ZC3H14: variants seen among roughly 807,000 people sequenced by gnomAD.
ZC3H14 encodes the protein zinc finger CCCH-type containing 14.
A neutral mutation model predicts 92.4 loss-of-function variants in ZC3H14; 31 were observed. That is an observed-to-expected ratio of 0.34 (90% CI 0.25 to 0.45). The LOEUF is 0.45. Ranked by LOEUF, ZC3H14 falls within the 20% of genes least tolerant of loss-of-function variation. ZC3H14 has a pLI of 1.00. For missense variants in ZC3H14, 781 were observed against 897.3 expected (o/e 0.87, Z 1.66); for synonymous variants, 321 against 300.9 (o/e 1.07, Z -0.69).
chr14:88,624,986 C>A lies in ZC3H14; in HGVS notation c.*13235C>A. On this transcript the variant is annotated 3_prime_UTR_variant, in exon 17 of 17. Transcript: ENST00000251038. ...AGGACTCACGGCCTTTCCTTTCCCC[C>A]AGTCACGATAAGTCCATCTCGCAGG... 6.2e-7 allele frequency: 1 copy of A among 1,613,434 alleles called. No individual in the cohort carries two copies. Among genetic ancestry groups the A allele is most frequent in the Non-Finnish European group, 8.5e-7 (1 of 1,179,604 alleles).
intron 9 of ZC3H14, among the ~76,000 whole-genome samples, chr14:88,587,624 A>G (rs1286720054): frequency 6.6e-6 from 1 of 152,168 alleles, no homozygotes; most frequent in Non-Finnish European, 1.5e-5. Context: ...CTCTAAGTTG[A>G]GAAACAGTAA....
chr14:88,571,190 G>A, intron 4 of ZC3H14, 66 bp downstream of exon 4: 1 of 1,398,970 alleles, frequency 7.1e-7, no homozygotes, highest in South Asian at 1.4e-5. Flanking sequence ...TCTTTCTAAA[G>A]TCATAGTGCT....
chr14:88,623,659 A>C lies in ZC3H14; in HGVS notation c.*11908A>C, dbSNP rs1271755132. The C allele has an allele frequency of 6.6e-6, 1 of 150,812 alleles. No individual in the cohort carries two copies. The highest frequency in any genetic ancestry group is 1.5e-5 in the Non-Finnish European group (1 of 67,662). The allele number at this position is 150,812 out of a possible 1,614,324, so 9.3% of individuals were successfully genotyped here. On this transcript the variant is annotated 3_prime_UTR_variant, in exon 17 of 17. Transcript: ENST00000251038. ...AAACTCCTGACCTCGTGATCCGCCCACCTCGGCCTCCCAAAGTGTTGGGAT... is the reference window on the plus strand; with the variant it reads ...AAACTCCTGACCTCGTGATCCGCCCCCCTCGGCCTCCCAAAGTGTTGGGAT...
intron 2 of ZC3H14, among the ~76,000 whole-genome samples, chr14:88,564,061 C>T (rs2079246532): frequency 6.6e-6 from 1 of 152,094 alleles, no homozygotes; most frequent in Admixed American, 6.5e-5. Context: ...CCTTAGCCTC[C>T]CTAGGTGCTG....
intron 1 of ZC3H14, 138 bp downstream of exon 1, chr14:88,563,307 C>T (rs912774984): frequency 1.3e-6 from 2 of 1,523,726 alleles, no homozygotes; most frequent in African/African-American, 2.8e-5. Flanking sequence ...GCGGCTCCTC[C>T]TCGTCCAGGC....
In ZC3H14 at chr14:88,611,900, T is replaced by TAA. The variant is rs1444819613; in HGVS notation, c.*150_*151dup. On this transcript the variant is annotated 3_prime_UTR_variant, in exon 17 of 17. Transcript: ENST00000251038. ...TTATTGCCTATCTATCTGAAGTGTC[T>TAA]AATTTTTCAAGTTTGTAAGTTTATT... 9.2e-7 allele frequency: 1 copy of TAA among 1,091,690 alleles called. No homozygotes were observed. The highest frequency in any genetic ancestry group is 1.3e-6 in the Non-Finnish European group (1 of 760,036). The allele number at this position is 1,091,690 out of a possible 1,614,324, so 67.6% of individuals were successfully genotyped here.
At chr14:88,591,705 C>T (rs2083159021) in intron 9 of ZC3H14, 3 of 152,162 alleles carry the variant, frequency 2.0e-5, no homozygotes, top group East Asian at 3.9e-4. Context: ...GTCTTCTAGG[C>T]ATTTCTTATA....
chr14:88,588,913 C>G (rs1313191352), intron 9 of ZC3H14, among the ~76,000 whole-genome samples: 1 of 152,062 alleles, frequency 6.6e-6, no homozygotes, highest in East Asian at 1.9e-4. Context: ...TTTCCACAAA[C>G]TTTTTCTTGT....
chr14:88,607,447 GGCAAGTACCATCCCATCTCACCCA>G (rs1250401855), intron 13 of ZC3H14, 84 bp downstream of exon 13: 25 of 1,367,600 alleles, frequency 1.8e-5, no homozygotes, highest in Admixed American at 4.3e-5. Context: ...CATCTCACCT[GGCAAGTACCATCCCATCTCACCCA>G]GCAAGTACCA....
At chr14:88,571,745 G>T (rs114344642) in intron 4 of ZC3H14, among the ~76,000 whole-genome samples, 1 of 152,016 alleles carries the variant, frequency 6.6e-6, no homozygotes, top group Non-Finnish European at 1.5e-5. Flanking sequence ...GCGGATCATG[G>T]GCTCAGGAGA....
chr14:88,603,644 C>G (rs993062356), intron 12 of ZC3H14, among the ~76,000 whole-genome samples: 1 of 152,156 alleles, frequency 6.6e-6, no homozygotes, highest in Non-Finnish European at 1.5e-5. Flanking sequence ...GTGGTAGCTG[C>G]AACGCCACTG....
chr14:88,589,910 A>C (rs1421506672), intron 9 of ZC3H14: 1 of 152,682 alleles, frequency 6.5e-6, no homozygotes, highest in African/African-American at 2.4e-5. Flanking sequence ...CGGGTGGATC[A>C]TATGAGGCTA....
At chr14:88,563,561 A>G in intron 1 of ZC3H14, 90 bp from the exon 2 acceptor site, 1 of 1,589,214 alleles carries the variant, frequency 6.3e-7, no homozygotes, top group Non-Finnish European at 8.6e-7. Context: ...AGGTGCGCGC[A>G]CCAGCAAAGT....
At chr14:88,600,974 C>T (rs535756782) in intron 10 of ZC3H14, among the ~76,000 whole-genome samples, 6 of 152,128 alleles carry the variant, frequency 3.9e-5, no homozygotes, top group South Asian at 4.1e-4. Flanking sequence ...TTCGTTTCTC[C>T]GAGTCTCTCT....
chr14:88,596,799 A>G lies in ZC3H14; in HGVS notation c.1345A>G (p.Met449Val), dbSNP rs1362046573. ...IDPVMAETLQ[M>V]SQDYYDMESM... ...CCCAGTAATGGCAGAAACTCTGCAG[A>G]TGAGTCAAGGTTGGTAATGTTTCAA... Residue 449 changes from methionine to valine, a missense_variant, in exon 10 of 17, where the codon ATG (methionine) becomes GTG (valine). Coordinates refer to ENST00000251038, the MANE Select transcript of ZC3H14 (RefSeq NM_024824.5). 3 of 1,613,968 alleles carry G rather than the reference A, an allele frequency of 1.9e-6. No homozygotes were observed. The highest frequency in any genetic ancestry group is 2.5e-6 in the Non-Finnish European group (3 of 1,179,882).
chr14:88,594,867 A>G (rs1325568713), intron 9 of ZC3H14: 1 of 1,614,118 alleles, frequency 6.2e-7, no homozygotes, highest in African/African-American at 1.3e-5. Flanking sequence ...GGAAAATATC[A>G]GCTGATATCA....
intron 9 of ZC3H14, among the ~76,000 whole-genome samples, chr14:88,580,887 G>A (rs1346708270): frequency 3.9e-5 from 6 of 152,170 alleles, no homozygotes. Context: ...CTTTTCAACA[G>A]CATCACTTTT....
intron 12 of ZC3H14, among the ~76,000 whole-genome samples, chr14:88,604,215 T>C (rs17188032): frequency 0.18 from 27,384 of 152,120 alleles, 3,001 homozygotes; most frequent in East Asian, 0.46. Flanking sequence ...GGGGTATACA[T>C]GTAGCAGCAG....
rs762914717 is a variant in ZC3H14 at position 88,615,532 on chromosome 14, GCCGAAATCACACACTT to G, written c.*3784_*3799del. On this transcript the variant is annotated 3_prime_UTR_variant, in exon 17 of 17. Coordinates refer to ENST00000251038, the MANE Select transcript of ZC3H14 (RefSeq NM_024824.5). ...TACCCTAAATTTTCCCAGCAGGTCTGCCGAAATCACACACTTCCCAATACAGGGGGACTTGGCCTTT... is the reference window on the plus strand; with the variant it reads ...TACCCTAAATTTTCCCAGCAGGTCTGCCCAATACAGGGGGACTTGGCCTTT... 14 of 335,366 alleles carry G rather than the reference GCCGAAATCACACACTT, an allele frequency of 4.2e-5. No homozygotes were observed. The highest frequency in any genetic ancestry group is 7.5e-5 in the Non-Finnish European group (14 of 185,698). The allele number at this position is 335,366 out of a possible 1,614,324, so 20.8% of individuals were successfully genotyped here. A position where few individuals can be genotyped will look rare whatever the true frequency, so the allele number is the denominator to read the frequency against.
Sources: allele counts gnomAD v4.1 joint callset (sites outside exome capture counted in the v4.1 genomes callset), GRCh38; gene constraint gnomAD v4.1.1; transcripts MANE v1.5; gene names NCBI Gene and HGNC (gene_info 2026-07-23, HGNC 2026-07-21).